Variants in ANKLE1 observed in about 807,000 individuals in gnomAD.
The protein encoded by ANKLE1 is structure-specific endonuclease ANKLE1.
In ANKLE1, 59 loss-of-function variants were observed where a neutral mutation model predicts 56.2. The observed-to-expected ratio is 1.05, with a 90% CI of 0.85 to 1.30. The LOEUF (loss-of-function observed/expected upper bound fraction) is 1.30, where lower values mean the gene tolerates loss of function less well. ANKLE1 is among the 50% of genes most tolerant of loss of function. The probability of loss-of-function intolerance (pLI) is 0.00; values close to 1 mark genes in which losing one functional copy is unlikely to be tolerated. For synonymous variants in ANKLE1, 341 were observed against 352.9 expected (o/e 0.97, Z 0.38); for missense variants, 771 against 816.1 (o/e 0.94, Z 0.67).
intron 6 of ANKLE1, among the ~76,000 whole-genome samples, 195 bp downstream of exon 6, chr19:17,284,461 G>A (rs928550550): frequency 2.6e-5 from 4 of 152,114 alleles, no homozygotes; most frequent in Admixed American, 2.6e-4. Flanking sequence ...TCGGCTCACT[G>A]CAACCTCCAC....
At chr19:17,283,113 TG>T in intron 4 of ANKLE1, 111 bp downstream of exon 4, 1 of 1,543,304 alleles carries the variant, frequency 6.5e-7, no homozygotes, top group Non-Finnish European at 8.7e-7. Context: ...CCACTATTTG[TG>T]GCCAGCTCTT....
At chr19:17,284,492 T>C (rs1281110189) in intron 6 of ANKLE1, among the ~76,000 whole-genome samples, 1 of 152,066 alleles carries the variant, frequency 6.6e-6, no homozygotes, top group Non-Finnish European at 1.5e-5. Flanking sequence ...CAAACAATCC[T>C]CTTGTCTCAG....
In ANKLE1 at chr19:17,283,270, C is replaced by T. The variant is rs779187377; in HGVS notation, c.506C>T (p.Ala169Val). The change falls in exon 5 of 9, where the codon GCA (alanine) becomes GTA (valine). Residue 169 changes from alanine to valine, a missense_variant. Physicochemically the swap from Ala to Val is moderately conservative, Grantham distance 64. Coordinates refer to ENST00000404085, the MANE Select transcript of ANKLE1 (RefSeq NM_152363.6). ...GPTDETLDSI[A>V]LQKQPCRGDN... is the part of the protein sequence containing the mutation. Reference sequence around the variant, plus strand: ...ACCGATGAGACGCTGGACTCCATAGCACTCCAAAAGCAGCCATGCAGAGGT... The same window carrying T: ...ACCGATGAGACGCTGGACTCCATAGTACTCCAAAAGCAGCCATGCAGAGGT... 1.2e-5 allele frequency: 19 copies of T among 1,613,452 alleles called. No homozygotes were observed. The highest frequency in any genetic ancestry group is 1.5e-5 in the Non-Finnish European group (18 of 1,179,836).
At chr19:17,285,239 A>G (rs545430378) in intron 6 of ANKLE1, among the ~76,000 whole-genome samples, 192 bp from the exon 7 acceptor site, 23 of 148,012 alleles carry the variant, frequency 1.6e-4, no homozygotes, top group Non-Finnish European at 2.8e-4. Context: ...AGCCTGGGGA[A>G]CAAGAGTGAA....
chr19:17,285,909 T>G, intron 8 of ANKLE1, 90 bp downstream of exon 8: 1 of 1,529,402 alleles, frequency 6.5e-7, no homozygotes, highest in Non-Finnish European at 8.8e-7. Flanking sequence ...GGTGTTCATT[T>G]GTTGACTGAG....
chr19:17,282,712 G>T lies in ANKLE1; in HGVS notation c.272G>T (p.Gly91Val), dbSNP rs777428260. ...HVAAAWGCRR[G>V]LELLLSQGAD... ...GCCGCCGCGTGGGGCTGCCGCCGCG[G>T]CCTGGAGCTGCTGCTGAGCCAAGGA... is the stretch of plus-strand genomic sequence containing the variant. Residue 91 changes from glycine to valine, a missense_variant, in exon 3 of 9, where the codon GGC (glycine) becomes GTC (valine). Transcript: ENST00000404085. 6.5e-7 allele frequency: 1 copy of T among 1,538,206 alleles called. No homozygotes were observed. The highest frequency in any genetic ancestry group is 8.7e-7 in the Non-Finnish European group (1 of 1,148,326).
At chr19:17,285,953 G>T (rs559221710) in intron 8 of ANKLE1, 134 bp downstream of exon 8, 1 of 1,193,828 alleles carries the variant, frequency 8.4e-7, no homozygotes, top group Non-Finnish European at 1.2e-6. Flanking sequence ...ACCTGCACAT[G>T]CATGTATTTT....
At position 17,286,715 on chromosome 19, in the gene ANKLE1, G is replaced by A; in HGVS notation, c.*163G>A. On this transcript the variant is annotated 3_prime_UTR_variant, in exon 9 of 9. Coordinates refer to ENST00000404085, the MANE Select transcript of ANKLE1 (RefSeq NM_152363.6). ...GTTTGTGTGTGTGTGTGTGTGTGTAGGGAGCACCCAGGCAGATCTCCCCCA... is the reference window on the plus strand; with the variant it reads ...GTTTGTGTGTGTGTGTGTGTGTGTAAGGAGCACCCAGGCAGATCTCCCCCA... The A allele has an allele frequency of 6.9e-7, 1 of 1,446,668 alleles. No homozygotes were observed. Among genetic ancestry groups the A allele is most frequent in the Non-Finnish European group, 9.1e-7 (1 of 1,094,908 alleles). 89.6% of individuals were successfully genotyped at this position (1,446,668 alleles called of 1,614,324 possible).
In ANKLE1 at chr19:17,286,691, TTTGTGTGTG is replaced by T; in HGVS notation, c.*141_*149del. 1 of 348,522 alleles carries T rather than the reference TTTGTGTGTG, an allele frequency of 2.9e-6. No homozygotes were observed. The allele number at this position is 348,522 out of a possible 1,614,324, so 21.6% of individuals were successfully genotyped here. The stretch of plus-strand genomic sequence containing the variant: ...GTGTGTGTGTGTGTGTGTGTGTGTG[TTTGTGTGTG>T]TGTGTGTGTGTGTAGGGAGCACCCA... On this transcript the variant is annotated 3_prime_UTR_variant, in exon 9 of 9. Coordinates refer to ENST00000404085, the MANE Select transcript of ANKLE1 (RefSeq NM_152363.6).
intron 6 of ANKLE1, among the ~76,000 whole-genome samples, chr19:17,284,842 T>G (rs1422776753): frequency 6.6e-6 from 1 of 151,508 alleles, no homozygotes. Flanking sequence ...TGTGCCACCA[T>G]GCCTGGCTAA....
rs1258756593 is a variant in ANKLE1, at chr19:17,282,651, C to T, written c.216-5C>T. On this transcript the variant is annotated splice_polypyrimidine_tract_variant and splice_region_variant and intron_variant, in intron 2 of 8. Transcript: ENST00000404085. ...GCAATGACCCCTCTTGCGCTGCCGCCCCAGATCTGTCGAGGCACTGACGCC... is the reference window on the plus strand; with the variant it reads ...GCAATGACCCCTCTTGCGCTGCCGCTCCAGATCTGTCGAGGCACTGACGCC... 6 of 1,534,002 alleles carry T rather than the reference C, an allele frequency of 3.9e-6. No individual in the cohort carries two copies. Among genetic ancestry groups the T allele is most frequent in the Non-Finnish European group, 4.4e-6 (5 of 1,146,456 alleles).
chr19:17,286,703 T>TGG lies in ANKLE1; in HGVS notation c.*152_*153insGG. ...GTGTGTGTGTGTGTTTGTGTGTGTG[T>TGG]GTGTGTGTGTAGGGAGCACCCAGGC... On this transcript the variant is annotated 3_prime_UTR_variant, in exon 9 of 9. Transcript: ENST00000404085. The TGG allele has an allele frequency of 7.5e-7, 1 of 1,325,308 alleles. No homozygotes were observed. The highest frequency in any genetic ancestry group is 1.5e-5 in the South Asian group (1 of 66,930). 82.1% of individuals were successfully genotyped at this position (1,325,308 alleles called of 1,614,324 possible).
chr19:17,285,916 T>C, intron 8 of ANKLE1, 97 bp downstream of exon 8: 1 of 1,500,046 alleles, frequency 6.7e-7, no homozygotes, highest in Non-Finnish European at 9.0e-7. Flanking sequence ...ATTTGTTGAC[T>C]GAGCAATTAT....
chr19:17,284,871 T>C (rs996823467), intron 6 of ANKLE1, among the ~76,000 whole-genome samples: 4 of 151,706 alleles, frequency 2.6e-5, no homozygotes, highest in African/African-American at 9.7e-5. Flanking sequence ...GTAATTTTAG[T>C]AGATATGGAG....
rs2074034514 is a variant in ANKLE1, at chr19:17,286,644, A to T, written c.*92A>T. 1.3e-5 allele frequency: 19 copies of T among 1,483,844 alleles called. No individual in the cohort carries two copies. The highest frequency in any genetic ancestry group is 1.8e-4 in the Middle Eastern group (1 of 5,522). The allele number at this position is 1,483,844 out of a possible 1,614,324, so 91.9% of individuals were successfully genotyped here. ...AGCAGCCCCCATCTCTGGTTTCAGA[A>T]GGGGTGTGTGTGTGTGTGTGTGTGT... On this transcript the variant is annotated 3_prime_UTR_variant, in exon 9 of 9. Transcript: ENST00000404085.
At position 17,286,927 on chromosome 19, in the gene ANKLE1, C is replaced by T. The variant is rs1030391804; in HGVS notation, c.*375C>T. 3.6e-6 allele frequency: 2 copies of T among 559,798 alleles called. No individual in the cohort carries two copies. The highest frequency in any genetic ancestry group is 4.0e-5 in the African/African-American group (2 of 49,710). 34.7% of individuals were successfully genotyped at this position (559,798 alleles called of 1,614,324 possible). ...GAGCTGGGTAAAATGAGGCTGAAAC[C>T]TACTGGGCTGCATTCCCAGATGGTT... On this transcript the variant is annotated 3_prime_UTR_variant, in exon 9 of 9. Transcript: ENST00000404085.
intron 8 of ANKLE1, among the ~76,000 whole-genome samples, 195 bp from the exon 9 acceptor site, chr19:17,286,185 T>G (rs1599514977): frequency 1.3e-5 from 2 of 152,200 alleles, no homozygotes; most frequent in Admixed American, 1.3e-4. Flanking sequence ...AGCTAATTTT[T>G]GTATTTTTTA....
rs58535756 is a variant in ANKLE1, at chr19:17,286,647, G to GGTGTGT, written c.*134_*139dup. On this transcript the variant is annotated 3_prime_UTR_variant, in exon 9 of 9. Coordinates refer to ENST00000404085, the MANE Select transcript of ANKLE1 (RefSeq NM_152363.6). ...AGCCCCCATCTCTGGTTTCAGAAGG[G>GGTGTGT]GTGTGTGTGTGTGTGTGTGTGTGTG... 7.1e-5 allele frequency: 102 copies of GGTGTGT among 1,429,086 alleles called. No homozygotes were observed. In the East Asian group the frequency reaches 2.2e-3, roughly 30 times the overall value. The allele number at this position is 1,429,086 out of a possible 1,614,324, so 88.5% of individuals were successfully genotyped here.
chr19:17,283,932 C>G lies in ANKLE1; in HGVS notation c.1168C>G (p.Gln390Glu). Residue 390 changes from glutamine to glutamate, a missense_variant, in exon 5 of 9, where the codon CAG becomes GAG. Transcript: ENST00000404085. ...ACCCTTCACCAGGCAGTTGTACCACCAGCAGCTGGAAGAAGCCCAGATTGC... is the reference window on the plus strand; with the variant it reads ...ACCCTTCACCAGGCAGTTGTACCACGAGCAGCTGGAAGAAGCCCAGATTGC... Reference protein sequence around the residue: ...ITPFTRQLYHQQLEEAQIAPG... With the variant: ...ITPFTRQLYHEQLEEAQIAPG... The G allele has an allele frequency of 1.2e-6, 2 of 1,608,498 alleles. No homozygotes were observed. Among genetic ancestry groups the G allele is most frequent in the Non-Finnish European group, 1.7e-6 (2 of 1,175,998 alleles).
Sources: gnomAD v4.1 joint callset for allele counts (sites outside exome capture counted in the v4.1 genomes callset) on GRCh38, gnomAD v4.1.1 for gene constraint, MANE v1.5 for transcripts, NCBI Gene and HGNC (gene_info 2026-07-23, HGNC 2026-07-21) for gene names.